The following PDE1A variants were observed in gnomAD, a reference collection of about 807,000 sequenced individuals.
PDE1A encodes the protein phosphodiesterase 1A, also known as dual specificity calcium/calmodulin-dependent 3',5'-cyclic nucleotide phosphodiesterase 1A.
PDE1A carries 35 observed loss-of-function variants against 61.7 expected under a neutral mutation model. The observed-to-expected ratio is 0.57, with a 90% confidence interval of 0.43 to 0.75. The LOEUF is 0.75. Among genes scored for constraint, PDE1A ranks in the 30% least tolerant of loss-of-function variants. PDE1A has a pLI of 0.00. For missense variants in PDE1A, 597 were observed against 630.6 expected (o/e 0.95, Z 0.57); for synonymous variants, 232 against 213.2 (o/e 1.09, Z -0.77).
At chr2:182,385,659 G>GAAAGAAAGAAAGAAAGAAAGA (rs748519072) in intron 1 of PDE1A, among the ~76,000 whole-genome samples, 2 of 95,060 alleles carry the variant, frequency 2.1e-5, no homozygotes, top group African/African-American at 9.2e-5. Context: ...AAGAAAGAAA[G>GAAAGAAAGAAAGAAAGAAAGA]AAGAAAAAAA....
At chr2:182,653,603 T>C in the PDE1A span, among the ~76,000 whole-genome samples, 7 of 152,180 alleles carry the variant, frequency 4.6e-5, no homozygotes, top group Non-Finnish European at 7.3e-5. Context: ...GAAACCCATA[T>C]CTAGAAAAGA....
rs1053651126 is a variant in PDE1A at position 182,194,702 on chromosome 2, C to T, written c.1126-5642G>A. 6.6e-5 allele frequency among the ~76,000 whole-genome samples: 10 copies of T among 151,922 alleles called. No individual in the cohort carries two copies. In the East Asian group the frequency reaches 9.6e-4, roughly 15 times the overall value. ...GTAGTAGCACTAAAGAATGGGATAACGTTGATGGGATTTTTAAGAATAATA... is the reference window on the plus strand; with the variant it reads ...GTAGTAGCACTAAAGAATGGGATAATGTTGATGGGATTTTTAAGAATAATA... On this transcript the variant is annotated intron_variant, in intron 10 of 13. Transcript: ENST00000351439.
chr2:182,623,426 A>T, the PDE1A span, among the ~76,000 whole-genome samples: 1 of 152,168 alleles, frequency 6.6e-6, no homozygotes, highest in African/African-American at 2.4e-5. Context: ...AGCAGTTGAT[A>T]TTTTACCTGC....
chr2:182,265,349 A>G (rs62190508), intron 1 of PDE1A, among the ~76,000 whole-genome samples: 34,283 of 152,104 alleles, frequency 0.23, 4,092 homozygotes, highest in Admixed American at 0.33. Context: ...TAGATTCGCT[A>G]TTATTCACTG....
At position 182,281,264 on chromosome 2, in the gene PDE1A, C is replaced by T. The variant is rs538672176; in HGVS notation, c.54-16850G>A. 4.6e-4 allele frequency among the ~76,000 whole-genome samples: 70 copies of T among 151,898 alleles called. 1 individual carries two copies. The highest frequency in any genetic ancestry group is 4.6e-3 in the South Asian group (22 of 4,816). ...TGATATTCTGTCAAGTTCTATAACA[C>T]GGATGCTGGTTTTCTACTGCAATTT... On this transcript the variant is annotated intron_variant, in intron 1 of 13. Coordinates refer to ENST00000351439, the Ensembl canonical transcript of PDE1A.
At chr2:182,543,618 TA>T in the PDE1A span, among the ~76,000 whole-genome samples, 12,242 of 152,186 alleles carry the variant, frequency 0.08, 1,614 homozygotes, top group African/African-American at 0.28. Flanking sequence ...ACTTTAACCT[TA>T]TTTTAATCAA....
intron 1 of PDE1A, among the ~76,000 whole-genome samples, chr2:182,395,761 G>A (rs886826604): frequency 6.6e-6 from 1 of 152,210 alleles, no homozygotes; most frequent in Non-Finnish European, 1.5e-5. Context: ...GCCTTTGGAA[G>A]GCCCCCATAG....
chr2:182,715,354 T>C, the PDE1A span, among the ~76,000 whole-genome samples: 1 of 152,228 alleles, frequency 6.6e-6, no homozygotes, highest in Non-Finnish European at 1.5e-5. Flanking sequence ...AGGCTGCTTC[T>C]AATGTTTGCC....
the PDE1A span, among the ~76,000 whole-genome samples, chr2:182,572,065 T>A: frequency 6.6e-6 from 1 of 152,138 alleles, no homozygotes; most frequent in African/African-American, 2.4e-5. Flanking sequence ...AGGCAGAGAC[T>A]TTTTTTGGGT....
At chr2:182,398,635 C>G (rs889142210) in intron 1 of PDE1A, among the ~76,000 whole-genome samples, 1 of 151,884 alleles carries the variant, frequency 6.6e-6, no homozygotes, top group Non-Finnish European at 1.5e-5. Flanking sequence ...GTCCACTGAG[C>G]CTTCAGAGGT....
chr2:182,368,525 CTT>C (rs34206320), intron 1 of PDE1A, among the ~76,000 whole-genome samples: 2 of 145,416 alleles, frequency 1.4e-5, no homozygotes, highest in Admixed American at 6.9e-5. Context: ...TTCTCATCAC[CTT>C]TTTTTTTTTT....
At chr2:182,329,204 A>G (rs1697242117) in intron 1 of PDE1A, among the ~76,000 whole-genome samples, 1 of 152,142 alleles carries the variant, frequency 6.6e-6, no homozygotes, top group Non-Finnish European at 1.5e-5. Context: ...CCAACCTCCT[A>G]TTCCCTGTGC....
At chr2:182,516,061 T>A (rs957756550) in intron 2 of PDE1A, among the ~76,000 whole-genome samples, 1 of 151,640 alleles carries the variant, frequency 6.6e-6, no homozygotes, top group Admixed American at 6.6e-5. Context: ...AGGCATGTAT[T>A]AGATTTTTAT....
At chr2:182,372,332 T>C (rs1471702963) in intron 1 of PDE1A, among the ~76,000 whole-genome samples, 1 of 152,206 alleles carries the variant, frequency 6.6e-6, no homozygotes, top group East Asian at 1.9e-4. Context: ...TTAACTAAAA[T>C]GTTAGGTGTA....
chr2:182,658,508 A>C, the PDE1A span, among the ~76,000 whole-genome samples: 1 of 152,232 alleles, frequency 6.6e-6, no homozygotes, highest in Non-Finnish European at 1.5e-5. Context: ...CAAGTTCCAG[A>C]GGTTTGCACT....
At chr2:182,716,477 T>C in the PDE1A span, 1 of 152,474 alleles carries the variant, frequency 6.6e-6, no homozygotes, top group East Asian at 1.9e-4. Flanking sequence ...GACCCCGCGA[T>C]GGCAAGGTGG....
intron 1 of PDE1A, among the ~76,000 whole-genome samples, chr2:182,377,979 TG>T (rs1700510628): frequency 6.6e-6 from 1 of 152,140 alleles, no homozygotes; most frequent in East Asian, 1.9e-4. Context: ...CCTGAGTAGC[TG>T]GGACTATAGG....
chr2:182,426,525 G>T, intron 1 of PDE1A, 53 bp downstream of exon 1: 1 of 1,220,790 alleles, frequency 8.2e-7, no homozygotes, highest in Non-Finnish European at 1.2e-6. Flanking sequence ...GATGAAGGGA[G>T]AAACTATTGT....
chr2:182,202,947 G>A (rs925375808), intron 8 of PDE1A, among the ~76,000 whole-genome samples: 11 of 152,130 alleles, frequency 7.2e-5, no homozygotes, highest in Non-Finnish European at 1.0e-4. Context: ...AAGTGTGAAG[G>A]AAACTTGAAT....
Sources: gnomAD v4.1 joint callset for allele counts (sites outside exome capture counted in the v4.1 genomes callset) on GRCh38, gnomAD v4.1.1 for gene constraint, MANE v1.5 for transcripts, NCBI Gene and HGNC (gene_info 2026-07-23, HGNC 2026-07-21) for gene names.